The following KMT2C variants were observed in gnomAD, a reference collection of about 807,000 sequenced individuals.
KMT2C encodes the protein lysine methyltransferase 2C.
KMT2C carries 88 observed loss-of-function variants against 507.9 expected under a neutral mutation model. That is an observed-to-expected ratio of 0.17 (90% CI 0.15 to 0.21). The LOEUF is 0.21. Ranked by LOEUF, KMT2C falls within the 10% of genes least tolerant of loss-of-function variation. KMT2C has a pLI of 1.00. For missense variants in KMT2C, 4,954 were observed against 5,957.8 expected, an observed-to-expected ratio of 0.83 and a Z score of 5.55; for synonymous variants, 2,049 against 2,080.8, an observed-to-expected ratio of 0.98 and a Z score of 0.42.
chr7:152,223,227 A>G (rs2094828442), intron 20 of KMT2C, among the ~76,000 whole-genome samples: 1 of 152,198 alleles, frequency 6.6e-6, no homozygotes, highest in Admixed American at 6.5e-5. Flanking sequence ...TCTAAAGAGT[A>G]CAACAATATA....
At chr7:152,307,248 A>AGGAAGGAAGGAAGGAAGGACGGACGGAC (rs1253285455) in intron 6 of KMT2C, among the ~76,000 whole-genome samples, 1 of 116,988 alleles carries the variant, frequency 8.5e-6, no homozygotes, top group African/African-American at 4.3e-5. Context: ...GAAGGAAGGA[A>AGGAAGGAAGGAAGGAAGGACGGACGGAC]GGACGGTAGG....
At chr7:152,245,334 C>T (rs573699756) in intron 14 of KMT2C, among the ~76,000 whole-genome samples, 1 of 152,248 alleles carries the variant, frequency 6.6e-6, no homozygotes, top group Non-Finnish European at 1.5e-5. Context: ...AATAAGGCAG[C>T]CACCATCATA....
chr7:152,158,719 T>C lies in KMT2C; in HGVS notation c.11670+144A>G. The C allele has an allele frequency of 5.5e-6, 4 of 724,416 alleles. No homozygotes were observed. In the Middle Eastern group the frequency reaches 1.2e-3, roughly 215 times the overall value. 44.9% of individuals were successfully genotyped at this position (724,416 alleles called of 1,614,324 possible). On this transcript the variant is annotated intron_variant, in intron 44 of 58. Transcript: ENST00000262189. ...TTCGTAGAGATGAGGTTTTGCCATG[T>C]TGGCTAAGCTCATCTAGAACTCATG...
chr7:152,367,068 T>C (rs1409461036), intron 1 of KMT2C: 1 of 708,542 alleles, frequency 1.4e-6, no homozygotes, highest in Non-Finnish European at 2.4e-6. Context: ...AAATCTGTAG[T>C]CAGAACTCTG....
chr7:152,146,511 A>G (rs1419956255), intron 53 of KMT2C, 88 bp downstream of exon 53: 1 of 1,302,732 alleles, frequency 7.7e-7, no homozygotes, highest in Non-Finnish European at 1.1e-6. Context: ...CTTTCTGAAG[A>G]GTGCCACAAA....
chr7:152,322,640 G>C (rs1298201653), intron 3 of KMT2C, among the ~76,000 whole-genome samples: 5 of 151,844 alleles, frequency 3.3e-5, no homozygotes, highest in Non-Finnish European at 7.4e-5. Flanking sequence ...GTTCCATGTG[G>C]GCAATAACTT....
intron 2 of KMT2C, among the ~76,000 whole-genome samples, chr7:152,330,964 T>C (rs1294560034): frequency 1.3e-5 from 2 of 152,186 alleles, no homozygotes; most frequent in East Asian, 3.8e-4. Flanking sequence ...ATACTTTTCC[T>C]TGTGCCCAAA....
intron 1 of KMT2C, among the ~76,000 whole-genome samples, chr7:152,382,164 T>C (rs2097379811): frequency 6.6e-6 from 1 of 152,210 alleles, no homozygotes; most frequent in Non-Finnish European, 1.5e-5. Context: ...AATGACTTAT[T>C]CTGAGATACA....
chr7:152,314,668 G>T (rs1002812681), intron 4 of KMT2C, among the ~76,000 whole-genome samples: 1 of 152,100 alleles, frequency 6.6e-6, no homozygotes, highest in Admixed American at 6.6e-5. Flanking sequence ...TGACTGAATG[G>T]ATTGATGAAT....
rs759020258 is a variant in KMT2C, at chr7:152,220,651, G to A, written c.3584C>T (p.Pro1195Leu). Residue 1195 changes from proline to leucine, a missense_variant, in exon 23 of 59, where the codon CCA (proline) becomes CTA (leucine). By Grantham distance (98) the Pro-to-Leu change is moderately conservative. Transcript: ENST00000262189. The stretch of plus-strand genomic sequence containing the variant: ...TTTTGGTTTTGACCGTTTTCTTCTT[G>A]GAACTGTAACTGTGAGGCTCTGTAA... ...TQLQSLTVTV[P>L]RRKRSKPKLK... 1.2e-6 allele frequency: 2 copies of A among 1,611,502 alleles called. No individual in the cohort carries two copies. The highest frequency in any genetic ancestry group is 1.3e-5 in the African/African-American group (1 of 74,780).
In KMT2C at chr7:152,306,955, T is replaced by TAA. The variant is rs1441516747; in HGVS notation, c.849+3010_849+3011insTT. ...GGGAGTATCGCTTAAGCTCAGGAGA[T>TAA]AGAGACTAGCCTGGACAACACAGCA... On this transcript the variant is annotated intron_variant, in intron 6 of 58. Coordinates refer to ENST00000262189, the MANE Select transcript of KMT2C (RefSeq NM_170606.3). Among the ~76,000 whole-genome samples, 5 of 152,186 alleles carry TAA rather than the reference T, an allele frequency of 3.3e-5. No homozygotes were observed. In the East Asian group the frequency reaches 9.7e-4, roughly 29 times the overall value.
At chr7:152,184,015 T>C (rs994996684) in intron 34 of KMT2C, among the ~76,000 whole-genome samples, 2 of 146,234 alleles carry the variant, frequency 1.4e-5, no homozygotes, top group Non-Finnish European at 3.0e-5. Context: ...GAGGTTGCAG[T>C]GAGCCGAGAT....
rs116540323 is a variant in KMT2C at position 152,323,908 on chromosome 7, T to G, written c.389+6693A>C. Reference sequence around the variant, plus strand: ...ACTCAGATGAATCTAGAGGATATCATGCTAAGTGAAATAATCCAGGCACAG... The same window carrying G: ...ACTCAGATGAATCTAGAGGATATCAGGCTAAGTGAAATAATCCAGGCACAG... On this transcript the variant is annotated intron_variant, in intron 3 of 58. Transcript: ENST00000262189. Among the ~76,000 whole-genome samples, 1,157 of 151,430 alleles carry G rather than the reference T, an allele frequency of 7.6e-3. 16 individuals carry two copies. Among genetic ancestry groups the G allele is most frequent in the African/African-American group, 0.027 (1,115 of 41,354 alleles).
At chr7:152,376,501 A>T (rs952960452) in intron 1 of KMT2C, among the ~76,000 whole-genome samples, 1 of 152,242 alleles carries the variant, frequency 6.6e-6, no homozygotes, top group Non-Finnish European at 1.5e-5. Context: ...TGAACATGAA[A>T]CAATCTTGTT....
chr7:152,295,882 C>G (rs1230295732), intron 6 of KMT2C, among the ~76,000 whole-genome samples: 1 of 151,402 alleles, frequency 6.6e-6, no homozygotes, highest in Non-Finnish European at 1.5e-5. Context: ...CTAGCTAACA[C>G]GGTGAAACCC....
chr7:152,366,248 C>A (rs2097242731), intron 1 of KMT2C, among the ~76,000 whole-genome samples: 1 of 152,088 alleles, frequency 6.6e-6, no homozygotes, highest in South Asian at 2.1e-4. Context: ...TGGGTATACA[C>A]CAAAAAGAAT....
At chr7:152,200,326 T>C (rs992917712) in intron 26 of KMT2C, among the ~76,000 whole-genome samples, 8 of 152,198 alleles carry the variant, frequency 5.3e-5, no homozygotes, top group Non-Finnish European at 8.8e-5. Context: ...TAGACACTTA[T>C]ATTACAAAAT....
Position 152,148,305 on chromosome 7 carries a change from C to T in KMT2C, c.13622G>A (p.Arg4541Gln), listed in dbSNP as rs754423379. 1.2e-5 allele frequency: 19 copies of T among 1,614,250 alleles called. 1 individual carries two copies. The highest frequency in any genetic ancestry group is 4.0e-5 in the African/African-American group (3 of 75,056). The change falls in exon 52 of 59, where the codon CGA becomes CAA. Residue 4541 changes from arginine to glutamine, a missense_variant. Transcript: ENST00000262189. This position sits in a 1 kb window ranked among gnomAD's most constrained non-coding sequence, Gnocchi z 7.1. ...EVRQIASIVQ[R>Q]GERDHTFRVG... ...GCGAAAGGTATGGTCCCGTTCTCCT[C>T]GTTGCACGATGCTAGCAATCTGTCG...
At chr7:152,256,083 T>C (rs2095656980) in intron 9 of KMT2C, among the ~76,000 whole-genome samples, 1 of 151,976 alleles carries the variant, frequency 6.6e-6, no homozygotes, top group Admixed American at 6.5e-5. Flanking sequence ...GACATGAGAA[T>C]CACTTGAACC....
Sources: gnomAD v4.1 joint callset for allele counts (sites outside exome capture counted in the v4.1 genomes callset) on GRCh38, gnomAD v4.1.1 for gene constraint, Gnocchi (gnomAD v3.1) non-coding constraint, MANE v1.5 for transcripts, NCBI Gene and HGNC (gene_info 2026-07-23, HGNC 2026-07-21) for gene names.